The following TENT5C variants were observed in gnomAD, a reference collection of about 807,000 sequenced individuals.
The protein encoded by TENT5C is terminal nucleotidyltransferase 5C, also known as family with sequence similarity 46 member C.
TENT5C carries 5 observed loss-of-function variants against 22.2 expected under a neutral mutation model. That is an observed-to-expected ratio of 0.22 (90% CI 0.12 to 0.47). The LOEUF (loss-of-function observed/expected upper bound fraction) is 0.47. TENT5C is among the 20% of genes least tolerant of loss of function. The pLI, the probability that TENT5C is intolerant of heterozygous loss-of-function variation, is 0.99. For synonymous variants in TENT5C, 199 were observed against 195.4 expected (o/e 1.02, Z -0.15); for missense variants, 364 against 500.9 (o/e 0.73, Z 2.61).
chr1:117,606,229 G>C (rs930124032), intron 1 of TENT5C, 76 bp downstream of exon 1: 24 of 152,232 alleles, frequency 1.6e-4, no homozygotes, highest in Admixed American at 7.2e-4. Flanking sequence ...CTCACTTAGT[G>C]GGGGTCCGCC....
intron 1 of TENT5C, among the ~76,000 whole-genome samples, chr1:117,615,676 C>T (rs922184734): frequency 3.3e-5 from 5 of 152,158 alleles, no homozygotes; most frequent in African/African-American, 9.7e-5. Context: ...CAGAAGCAGA[C>T]GTTTATGTTA....
chr1:117,613,407 G>A (rs758639321), intron 1 of TENT5C, among the ~76,000 whole-genome samples: 8 of 152,250 alleles, frequency 5.3e-5, no homozygotes, highest in East Asian at 1.9e-4. Flanking sequence ...GCTGTTTTGC[G>A]GCCACAGCAT....
At chr1:117,606,578 C>T (rs879596342) in intron 1 of TENT5C, among the ~76,000 whole-genome samples, 12 of 152,208 alleles carry the variant, frequency 7.9e-5, no homozygotes, top group Admixed American at 2.0e-4. Context: ...CCCATGCCTC[C>T]CTTCCTGGCT....
Position 117,624,097 on chromosome 1 carries a change from C to CCTACCTGAGAGCCCT in TENT5C, c.*53_*54insCTACCTGAGAGCCCT. 1 of 1,465,956 alleles carries CCTACCTGAGAGCCCT rather than the reference C, an allele frequency of 6.8e-7. No individual in the cohort carries two copies. Among genetic ancestry groups the CCTACCTGAGAGCCCT allele is most frequent in the Non-Finnish European group, 9.2e-7 (1 of 1,084,552 alleles). 90.8% of individuals were successfully genotyped at this position (1,465,956 alleles called of 1,614,324 possible). Reference sequence around the variant, plus strand: ...GGAACCCCAATAGGGCTAGGGCTCTCAGGTAGGGGAGCCTCCTTCTAGATG... The same window carrying CCTACCTGAGAGCCCT: ...GGAACCCCAATAGGGCTAGGGCTCTCCTACCTGAGAGCCCTAGGTAGGGGAGCCTCCTTCTAGATG... On this transcript the variant is annotated 3_prime_UTR_variant, in exon 2 of 2. Coordinates refer to ENST00000369448, the MANE Select transcript of TENT5C (RefSeq NM_017709.4).
chr1:117,613,155 G>T (rs1653705397), intron 1 of TENT5C, among the ~76,000 whole-genome samples: 1 of 152,162 alleles, frequency 6.6e-6, no homozygotes, highest in Non-Finnish European at 1.5e-5. Flanking sequence ...AGCAGTTGAT[G>T]GTGGGAAGGT....
chr1:117,613,058 T>G (rs1653701912), intron 1 of TENT5C, among the ~76,000 whole-genome samples: 1 of 152,228 alleles, frequency 6.6e-6, no homozygotes, highest in African/African-American at 2.4e-5. Flanking sequence ...TTTCTCAGTC[T>G]GGGCAATCTC....
intron 1 of TENT5C, among the ~76,000 whole-genome samples, chr1:117,610,667 A>G (rs1653651661): frequency 6.6e-6 from 1 of 152,182 alleles, no homozygotes; most frequent in Non-Finnish European, 1.5e-5. Context: ...AGCTGGGACT[A>G]CAGGTGCACA....
rs1026920497 is a variant in TENT5C, at chr1:117,623,168, A to G, written c.300A>G (p.Pro100=). 9.3e-6 allele frequency: 15 copies of G among 1,614,094 alleles called. No homozygotes were observed. In the African/African-American group the frequency reaches 1.9e-4, roughly 20 times the overall value. The change falls in exon 2 of 2, where the codon CCA becomes CCG. Residue 100 remains proline, a synonymous_variant. Transcript: ENST00000369448. ...DLDLIFHVAL[P]TEAEFQLVRD... is the part of the protein sequence containing the mutation. ...ACCTAATCTTCCATGTGGCTCTTCC[A>G]ACAGAGGCAGAATTTCAGCTGGTTA...
chr1:117,608,508 C>A (rs2101071766), intron 1 of TENT5C, among the ~76,000 whole-genome samples: 1 of 152,338 alleles, frequency 6.6e-6, no homozygotes, highest in Non-Finnish European at 1.5e-5. Context: ...CCTCATATTT[C>A]TGAAAGTCCA....
intron 1 of TENT5C, among the ~76,000 whole-genome samples, chr1:117,610,912 T>C (rs1225292572): frequency 4.6e-5 from 7 of 152,248 alleles, no homozygotes; most frequent in Non-Finnish European, 8.8e-5. Context: ...AGTCCCATAC[T>C]GTTACCATAC....
At chr1:117,606,913 T>C (rs1558003978) in intron 1 of TENT5C, among the ~76,000 whole-genome samples, 1 of 152,190 alleles carries the variant, frequency 6.6e-6, no homozygotes, top group Non-Finnish European at 1.5e-5. Flanking sequence ...TGAAACCTGC[T>C]TCCTCTCCTT....
rs536229494 is a variant in TENT5C at position 117,618,452 on chromosome 1, AG to A, written c.-27-4388del. 7.9e-5 allele frequency among the ~76,000 whole-genome samples: 12 copies of A among 151,136 alleles called. No homozygotes were observed. The East Asian group carries it at 2.1e-3, about 27-fold the overall frequency. On this transcript the variant is annotated intron_variant, in intron 1 of 1. Transcript: ENST00000369448. ...GTATATGAGTAGAAACTTGATAGAA[AG>A]GCATTCTAAAGGAAAAGAGTCTCTC...
At chr1:117,608,671 G>T (rs1245824952) in intron 1 of TENT5C, among the ~76,000 whole-genome samples, 1 of 151,486 alleles carries the variant, frequency 6.6e-6, no homozygotes, top group Non-Finnish European at 1.5e-5. Context: ...ATAGGACCTT[G>T]TCTTCATCTT....
In TENT5C at chr1:117,627,325, C is replaced by T; in HGVS notation, c.*3281C>T. ...CTTATTCTTCAGCTTCACCTCTGCA[C>T]TAACCCCTTACCCTTATGGTACGTC... On this transcript the variant is annotated 3_prime_UTR_variant, in exon 2 of 2. Transcript: ENST00000369448. 8.1e-6 allele frequency: 2 copies of T among 248,218 alleles called. No individual in the cohort carries two copies. Among genetic ancestry groups the T allele is most frequent in the Non-Finnish European group, 1.7e-5 (2 of 118,140 alleles). 15.4% of individuals were successfully genotyped at this position (248,218 alleles called of 1,614,324 possible). A position where few individuals can be genotyped will look rare whatever the true frequency, so the allele number is the denominator to read the frequency against.
At chr1:117,619,757 A>G (rs932931314) in intron 1 of TENT5C, among the ~76,000 whole-genome samples, 2 of 152,094 alleles carry the variant, frequency 1.3e-5, no homozygotes, top group African/African-American at 4.8e-5. Context: ...TTAGATAACC[A>G]TCCAGATGTT....
chr1:117,608,901 G>C (rs1216167008), intron 1 of TENT5C, among the ~76,000 whole-genome samples: 1 of 152,050 alleles, frequency 6.6e-6, no homozygotes, highest in Non-Finnish European at 1.5e-5. Flanking sequence ...GTGTGCATGT[G>C]TGTGTGTTTA....
chr1:117,623,251 A>G lies in TENT5C; in HGVS notation c.383A>G (p.Lys128Arg), dbSNP rs761490678. 3.7e-6 allele frequency: 6 copies of G among 1,614,058 alleles called. No homozygotes were observed. The highest frequency in any genetic ancestry group is 2.2e-5 in the South Asian group (2 of 91,088). Residue 128 changes from lysine (K) to arginine (R), a missense_variant, in exon 2 of 2, where the codon AAA becomes AGA. Transcript: ENST00000369448. ...NFLPEGVNKLKISPVTLKEAY... is the reference protein window; with the variant it reads ...NFLPEGVNKLRISPVTLKEAY... ...CTGCCAGAGGGTGTGAACAAGCTCAAAATCAGTCCAGTCACTCTGAAGGAG... is the reference window on the plus strand; with the variant it reads ...CTGCCAGAGGGTGTGAACAAGCTCAGAATCAGTCCAGTCACTCTGAAGGAG...
Position 117,627,528 on chromosome 1 carries a change from C to G in TENT5C, c.*3484C>G, listed in dbSNP as rs1430709420. ...CTCTTTTTGAGAGCAAAGTAGTTAT[C>G]CAATGGTGAGACGAGACCCTGACGC... On this transcript the variant is annotated 3_prime_UTR_variant, in exon 2 of 2. Coordinates refer to ENST00000369448, the MANE Select transcript of TENT5C (RefSeq NM_017709.4). The G allele has an allele frequency of 4.0e-6, 1 of 248,080 alleles. No individual in the cohort carries two copies. 15.4% of individuals were successfully genotyped at this position (248,080 alleles called of 1,614,324 possible).
At chr1:117,617,848 A>G (rs1040362138) in intron 1 of TENT5C, among the ~76,000 whole-genome samples, 3 of 152,260 alleles carry the variant, frequency 2.0e-5, no homozygotes, top group East Asian at 1.9e-4. Context: ...GATGTATTCT[A>G]GTAATACCAA....
Sources: allele counts gnomAD v4.1 joint callset (sites outside exome capture counted in the v4.1 genomes callset), GRCh38; gene constraint gnomAD v4.1.1; transcripts MANE v1.5; gene names NCBI Gene and HGNC (gene_info 2026-07-23, HGNC 2026-07-21).